Variants in COL25A1 observed in about 807,000 individuals in gnomAD.
The protein encoded by COL25A1 is collagen alpha-1(XXV) chain.
In COL25A1, 103 loss-of-function variants were observed where a neutral mutation model predicts 128.4. That is an observed-to-expected ratio of 0.80 (90% CI 0.68 to 0.94). The LOEUF (loss-of-function observed/expected upper bound fraction) is 0.94, where lower values mean the gene tolerates loss of function less well. Ranked by LOEUF, COL25A1 falls within the 40% of genes least tolerant of loss-of-function variation. COL25A1 has a pLI of 0.00. For synonymous variants in COL25A1, 279 were observed against 277.2 expected (o/e 1.01, Z -0.06); for missense variants, 745 against 840.0 (o/e 0.89, Z 1.40).
At chr4:109,109,421 T>C (rs1766782334) in intron 3 of COL25A1, among the ~76,000 whole-genome samples, 1 of 152,206 alleles carries the variant, frequency 6.6e-6, no homozygotes, top group Non-Finnish European at 1.5e-5. Context: ...TTAGTACAGA[T>C]GGGTTTTTGC....
intron 3 of COL25A1, among the ~76,000 whole-genome samples, chr4:109,188,782 C>T (rs572002677): frequency 6.6e-6 from 1 of 152,234 alleles, no homozygotes; most frequent in East Asian, 1.9e-4. Context: ...CATTATCTGC[C>T]ATGGAAATCC....
chr4:109,130,265 T>A (rs1769056271), intron 3 of COL25A1, among the ~76,000 whole-genome samples: 2 of 152,194 alleles, frequency 1.3e-5, no homozygotes, highest in South Asian at 4.1e-4. Flanking sequence ...TGCATAATAT[T>A]ATATAGTGCT....
intron 8 of COL25A1, among the ~76,000 whole-genome samples, chr4:108,958,970 C>CT (rs892252285): frequency 5.9e-5 from 9 of 151,924 alleles, no homozygotes; most frequent in Non-Finnish European, 1.2e-4. Context: ...CTATTATAGC[C>CT]TTTTTTTCTA....
chr4:108,957,474 A>C (rs1750200723), intron 8 of COL25A1, among the ~76,000 whole-genome samples: 1 of 152,210 alleles, frequency 6.6e-6, no homozygotes, highest in South Asian at 2.1e-4. Context: ...AAACCACTGA[A>C]GGATAGTCAT....
intron 3 of COL25A1, among the ~76,000 whole-genome samples, chr4:109,103,595 A>C (rs1330773630): frequency 6.6e-6 from 1 of 152,208 alleles, no homozygotes. Context: ...TTCTTCAAAA[A>C]ATACAAAAAT....
chr4:109,257,268 GAAATGT>G (rs1173470455), intron 3 of COL25A1, among the ~76,000 whole-genome samples: 1 of 152,128 alleles, frequency 6.6e-6, no homozygotes, highest in Non-Finnish European at 1.5e-5. Context: ...CCCTCAATCT[GAAATGT>G]AATTTCACAT....
intron 6 of COL25A1, among the ~76,000 whole-genome samples, chr4:109,003,817 CAAAA>C (rs199911632): frequency 6.6e-6 from 1 of 151,956 alleles, no homozygotes; most frequent in African/African-American, 2.4e-5. Context: ...AAAACAAAAA[CAAAA>C]AAACGAAATA....
intron 8 of COL25A1, among the ~76,000 whole-genome samples, chr4:108,946,048 T>A (rs1383576702): frequency 6.6e-6 from 1 of 152,168 alleles, no homozygotes; most frequent in Admixed American, 6.5e-5. Flanking sequence ...AACTACCATA[T>A]ATATAAAACT....
chr4:109,091,517 G>C (rs59478105), intron 3 of COL25A1, among the ~76,000 whole-genome samples: 34,915 of 151,698 alleles, frequency 0.23, 5,128 homozygotes, highest in African/African-American at 0.4. Flanking sequence ...TCGTCTCTGT[G>C]TGTGTGTGTG....
At chr4:109,281,013 A>T (rs1174029721) in intron 3 of COL25A1, among the ~76,000 whole-genome samples, 1 of 152,228 alleles carries the variant, frequency 6.6e-6, no homozygotes, top group Admixed American at 6.5e-5. Context: ...TAGATATAAC[A>T]GATATAAATA....
intron 6 of COL25A1, among the ~76,000 whole-genome samples, chr4:108,992,379 A>G (rs1444489337): frequency 6.6e-6 from 1 of 152,218 alleles, no homozygotes; most frequent in Non-Finnish European, 1.5e-5. Context: ...TGGTCAATAG[A>G]TCTTTGTAAA....
chr4:108,967,720 G>T (rs1335429360), intron 8 of COL25A1, among the ~76,000 whole-genome samples: 1 of 152,152 alleles, frequency 6.6e-6, no homozygotes, highest in African/African-American at 2.4e-5. Context: ...AACTTACCTA[G>T]AAAAGTATCC....
intron 19 of COL25A1, among the ~76,000 whole-genome samples, chr4:108,879,026 C>T (rs192840009): frequency 4.6e-5 from 7 of 152,262 alleles, no homozygotes; most frequent in African/African-American, 1.7e-4. Context: ...AAAATGTGAT[C>T]TGATGTTTGT....
rs143766027 is a variant in COL25A1, at chr4:109,051,160, C to T, written c.368-981G>A. ...CTGCCTGATTTTAAAGAATGAGCTG[C>T]TAAGTAGGACTGATGACTTCCAAAC... On this transcript the variant is annotated intron_variant, in intron 3 of 37. Transcript: ENST00000399132. Among the ~76,000 whole-genome samples the T allele has an allele frequency of 2.6e-3, 397 of 152,184 alleles. 1 individual carries two copies. The highest frequency in any genetic ancestry group is 6.8e-3 in the Middle Eastern group (2 of 294).
At chr4:109,213,922 G>A (rs1406266221) in intron 3 of COL25A1, among the ~76,000 whole-genome samples, 2 of 152,002 alleles carry the variant, frequency 1.3e-5, no homozygotes, top group African/African-American at 4.8e-5. Flanking sequence ...ATGCTATCAC[G>A]TAGATAGTAA....
At chr4:109,126,528 C>T (rs1395197510) in intron 3 of COL25A1, among the ~76,000 whole-genome samples, 2 of 152,090 alleles carry the variant, frequency 1.3e-5, no homozygotes, top group East Asian at 1.9e-4. Flanking sequence ...AAACATTGCA[C>T]ATTTAAATAA....
chr4:109,159,317 C>T (rs905335462), intron 3 of COL25A1, among the ~76,000 whole-genome samples: 3 of 151,920 alleles, frequency 2.0e-5, no homozygotes, highest in South Asian at 2.1e-4. Context: ...AACTGGGTTA[C>T]GATCTAACCT....
chr4:109,095,603 C>T (rs1328791833), intron 3 of COL25A1, among the ~76,000 whole-genome samples: 1 of 152,186 alleles, frequency 6.6e-6, no homozygotes, highest in Admixed American at 6.5e-5. Context: ...AATGCATGCA[C>T]AACTCATTTG....
chr4:109,048,026 C>G (rs1480665975), intron 5 of COL25A1, 142 bp downstream of exon 5: 3 of 913,098 alleles, frequency 3.3e-6, no homozygotes, highest in Non-Finnish European at 5.1e-6. Flanking sequence ...GCCACCGCGA[C>G]TGACCACTTT....
Sources: allele counts gnomAD v4.1 joint callset (sites outside exome capture counted in the v4.1 genomes callset), GRCh38; gene constraint gnomAD v4.1.1; transcripts MANE v1.5; gene names NCBI Gene and HGNC (gene_info 2026-07-23, HGNC 2026-07-21).